ATP10A: variants seen among roughly 807,000 people sequenced by gnomAD.
ATP10A encodes the protein ATPase phospholipid transporting 10A (putative).
ATP10A carries 111 observed loss-of-function variants against 147.8 expected under a neutral mutation model. The ratio of observed to expected loss-of-function variants is 0.75; its 90% CI spans 0.64 to 0.88. ATP10A has a LOEUF of 0.88. Ranked by LOEUF, ATP10A falls within the 40% of genes least tolerant of loss-of-function variation. ATP10A has a pLI of 0.00. For synonymous variants in ATP10A, 875 were observed against 841.6 expected, an observed-to-expected ratio of 1.04 and a Z score of -0.69; for missense variants, 1,927 against 1,959.0, an observed-to-expected ratio of 0.98 and a Z score of 0.31.
intron 1 of ATP10A, among the ~76,000 whole-genome samples, chr15:25,786,649 G>A (rs1312282149): frequency 6.1e-5 from 7 of 115,310 alleles, no homozygotes; most frequent in Non-Finnish European, 8.2e-5. Context: ...TTTTTGAGGC[G>A]GAGTCTCGCT....
chr15:25,789,929 C>T (rs1890336074), intron 1 of ATP10A, among the ~76,000 whole-genome samples: 1 of 152,182 alleles, frequency 6.6e-6, no homozygotes, highest in Admixed American at 6.5e-5. Context: ...TGCAAAATCG[C>T]TCCCGGTTGA....
chr15:25,795,499 G>C (rs1890632338), intron 1 of ATP10A, among the ~76,000 whole-genome samples: 1 of 152,132 alleles, frequency 6.6e-6, no homozygotes, highest in Non-Finnish European at 1.5e-5. Context: ...TAACATTTTT[G>C]GATTTCTGAT....
At chr15:25,721,547 T>C (rs1423392708) in intron 7 of ATP10A, 110 bp downstream of exon 7, 5 of 185,570 alleles carry the variant, frequency 2.7e-5, no homozygotes, top group South Asian at 1.4e-4. Flanking sequence ...CTGAAGCGTG[T>C]GTGTGTGTGT....
intron 1 of ATP10A, 103 bp downstream of exon 1, chr15:25,862,545 T>G: frequency 7.6e-7 from 1 of 1,317,424 alleles, no homozygotes; most frequent in Non-Finnish European, 1.0e-6. Flanking sequence ...TGGAGCTGCC[T>G]TCTAAGCACC....
chr15:25,856,229 G>T (rs1893511234), intron 1 of ATP10A, among the ~76,000 whole-genome samples: 1 of 152,120 alleles, frequency 6.6e-6, no homozygotes. Flanking sequence ...CATGGAGGCG[G>T]TTTCCTCCAT....
chr15:25,708,484 GTT>G, intron 10 of ATP10A, 184 bp from the exon 11 acceptor site: 1 of 351,622 alleles, frequency 2.8e-6, no homozygotes, highest in Admixed American at 4.9e-5. Flanking sequence ...ATGTTTGACT[GTT>G]TTATTTTATT....
intron 1 of ATP10A, among the ~76,000 whole-genome samples, chr15:25,850,397 G>A (rs533385083): frequency 6.6e-6 from 1 of 152,242 alleles, no homozygotes; most frequent in East Asian, 1.9e-4. Context: ...TTTTGTACGG[G>A]GAACAAAACT....
chr15:25,709,245 A>T (rs1381658847), intron 10 of ATP10A: 1 of 152,254 alleles, frequency 6.6e-6, no homozygotes, highest in African/African-American at 2.4e-5. Context: ...GGAGTTGATA[A>T]TGGGGAAGAA....
At chr15:25,737,371 G>C (rs1426555334) in intron 2 of ATP10A, among the ~76,000 whole-genome samples, 1 of 152,168 alleles carries the variant, frequency 6.6e-6, no homozygotes, top group East Asian at 1.9e-4. Flanking sequence ...GAGAACACCA[G>C]GATTATTCTT....
At chr15:25,822,738 T>A (rs559689070) in intron 1 of ATP10A, among the ~76,000 whole-genome samples, 1 of 152,306 alleles carries the variant, frequency 6.6e-6, no homozygotes, top group Admixed American at 6.5e-5. Context: ...GAAAATTACC[T>A]TAGAGATAAC....
intron 2 of ATP10A, among the ~76,000 whole-genome samples, chr15:25,746,680 C>A (rs1887859523): frequency 6.6e-6 from 1 of 152,076 alleles, no homozygotes; most frequent in Non-Finnish European, 1.5e-5. Context: ...ACTAAAAGTC[C>A]CATTTGCTTT....
chr15:25,714,830 A>AG lies in ATP10A; in HGVS notation c.1777-590_1777-589insC, dbSNP rs138899178. Among the ~76,000 whole-genome samples, 1,014 of 152,314 alleles carry AG rather than the reference A, an allele frequency of 6.7e-3. 18 individuals are homozygous for AG. The highest frequency in any genetic ancestry group is 0.023 in the African/African-American group (960 of 41,564). On this transcript the variant is annotated intron_variant, in intron 9 of 20. Coordinates refer to ENST00000555815, the MANE Select transcript of ATP10A (RefSeq NM_024490.4). ...CTTCCTTTGAATTATGTCTATAAAAATTTAATATACAAATCACATTTCCAG... is the reference window on the plus strand; with the variant it reads ...CTTCCTTTGAATTATGTCTATAAAAAGTTTAATATACAAATCACATTTCCAG...
chr15:25,690,407 G>A (rs780376479), intron 15 of ATP10A, among the ~76,000 whole-genome samples: 2 of 152,068 alleles, frequency 1.3e-5, no homozygotes, highest in Non-Finnish European at 2.9e-5. Flanking sequence ...CCACGCTGGG[G>A]TTTTTGCATT....
Position 25,721,917 on chromosome 15 carries a change from A to G in ATP10A, c.1111-8T>C, listed in dbSNP as rs765657369. 1.9e-6 allele frequency: 3 copies of G among 1,609,074 alleles called. No individual in the cohort carries two copies. Among genetic ancestry groups the G allele is most frequent in the East Asian group, 4.5e-5 (2 of 44,752 alleles). ...GGAAATTGGGATCAAAACCTGGAAG[A>G]GACAAGGCACACAGGATGAATGACC... On this transcript the variant is annotated splice_region_variant and splice_polypyrimidine_tract_variant and intron_variant, in intron 6 of 20. Transcript: ENST00000555815.
At chr15:25,739,048 G>A (rs537282248) in intron 2 of ATP10A, among the ~76,000 whole-genome samples, 6 of 152,174 alleles carry the variant, frequency 3.9e-5, no homozygotes, top group East Asian at 1.9e-4. Flanking sequence ...CTATAGAAAC[G>A]TCCCCCAAAA....
At chr15:25,789,068 C>A (rs967538766) in intron 1 of ATP10A, among the ~76,000 whole-genome samples, 1 of 152,140 alleles carries the variant, frequency 6.6e-6, no homozygotes, top group African/African-American at 2.4e-5. Context: ...AAGGGATCCT[C>A]CCTCCTCAGC....
chr15:25,695,421 G>C (rs988366312), intron 13 of ATP10A, among the ~76,000 whole-genome samples: 4 of 152,046 alleles, frequency 2.6e-5, no homozygotes, highest in Non-Finnish European at 5.9e-5. Context: ...GAGGTCAGGA[G>C]ATCAAGACCA....
intron 2 of ATP10A, among the ~76,000 whole-genome samples, chr15:25,755,497 C>T (rs1037737544): frequency 6.6e-6 from 1 of 152,196 alleles, no homozygotes; most frequent in Admixed American, 6.5e-5. Context: ...CAACCCAGAA[C>T]AGTTTTGGGA....
intron 1 of ATP10A, among the ~76,000 whole-genome samples, chr15:25,794,800 G>C (rs956755973): frequency 6.6e-6 from 1 of 152,218 alleles, no homozygotes; most frequent in Non-Finnish European, 1.5e-5. Flanking sequence ...CATGCAGATG[G>C]TCATCTTCTC....
Sources: gnomAD v4.1 joint callset for allele counts (sites outside exome capture counted in the v4.1 genomes callset) on GRCh38, gnomAD v4.1.1 for gene constraint, MANE v1.5 for transcripts, NCBI Gene and HGNC (gene_info 2026-07-23, HGNC 2026-07-21) for gene names.